Variants in GPR137B observed in about 807,000 individuals in gnomAD.
The protein encoded by GPR137B is G protein-coupled receptor 137B.
A neutral mutation model predicts 42.5 loss-of-function variants in GPR137B; 42 were observed. The ratio of observed to expected loss-of-function variants is 0.99; its 90% confidence interval spans 0.77 to 1.28. The LOEUF (loss-of-function observed/expected upper bound fraction) is 1.28, where lower values mean the gene tolerates loss of function less well. Ranked by LOEUF, GPR137B falls within the 50% of genes most tolerant of loss-of-function variation. The pLI is 0.00. For missense variants in GPR137B, 487 were observed against 493.9 expected, an observed-to-expected ratio of 0.99 and a Z score of 0.13; for synonymous variants, 218 against 209.7, an observed-to-expected ratio of 1.04 and a Z score of -0.34.
At chr1:236,181,897 T>TAAC (rs1553364680) in intron 4 of GPR137B, among the ~76,000 whole-genome samples, 4 of 34,548 alleles carry the variant, frequency 1.2e-4, no homozygotes, top group African/African-American at 1.1e-3. Context: ...TTTGCTATTT[T>TAAC]TTTTTTTTTT....
In GPR137B at chr1:236,150,075, C is replaced by CT. The variant is rs1571958475; in HGVS notation, c.414+7040dup. 1.4e-5 allele frequency among the ~76,000 whole-genome samples: 2 copies of CT among 141,418 alleles called. No individual in the cohort carries two copies. Among genetic ancestry groups the CT allele is most frequent in the African/African-American group, 5.3e-5 (2 of 37,808 alleles). 92.8% of individuals were successfully genotyped at this position (141,418 alleles called of 152,430 possible). On this transcript the variant is annotated intron_variant, in intron 1 of 6. Transcript: ENST00000366592. This position sits in a 1 kb window ranked among gnomAD's most constrained non-coding sequence, Gnocchi z 6.2. ...TGTGTGCCTGTGTCTGTGTGGGTCTCTGAGTGTCTGTGCATGTGTGTGTCT... is the reference window on the plus strand; with the variant it reads ...TGTGTGCCTGTGTCTGTGTGGGTCTCTTGAGTGTCTGTGCATGTGTGTGTCT...
rs370261390 is a variant in GPR137B, at chr1:236,168,754, C to A, written c.463C>A (p.Arg155=). ...ATATTCTCCAGAATTACTCAAATAC[C>A]GGTAAGTACTGCAGGGCATCTCTTT... ...SKYSPELLKY[R]LPLYLASLFI... The change falls in exon 2 of 7, where the codon CGG becomes AGG. Residue 155 remains arginine, a splice_region_variant and synonymous_variant. Coordinates refer to ENST00000366592, the MANE Select transcript of GPR137B (RefSeq NM_003272.4). The A allele has an allele frequency of 9.4e-6, 15 of 1,596,612 alleles. No individual in the cohort carries two copies. Among genetic ancestry groups the A allele is most frequent in the South Asian group, 2.2e-5 (2 of 90,744 alleles).
chr1:236,203,261 T>C (rs1233224189), intron 5 of GPR137B, among the ~76,000 whole-genome samples: 1 of 152,056 alleles, frequency 6.6e-6, no homozygotes, highest in African/African-American at 2.4e-5. Flanking sequence ...GTATTTTTAG[T>C]AGAGATGGGG....
rs537293531 is a variant in GPR137B at position 236,181,995 on chromosome 1, C to T, written c.838-1783C>T. Among the ~76,000 whole-genome samples, 134 of 150,964 alleles carry T rather than the reference C, an allele frequency of 8.9e-4. 1 individual carries two copies. The highest frequency in any genetic ancestry group is 1.1e-3 in the Non-Finnish European group (77 of 67,876). On this transcript the variant is annotated intron_variant, in intron 4 of 6. Transcript: ENST00000366592. ...GCAACCTCCGCCTCCCGGGTTCAAG[C>T]GATTCTTCTGCCTCAGCCTCCTGAG...
chr1:236,159,309 C>T (rs952628564), intron 1 of GPR137B, among the ~76,000 whole-genome samples: 3 of 151,794 alleles, frequency 2.0e-5, no homozygotes, highest in Admixed American at 1.3e-4. Flanking sequence ...AAGACCCCGC[C>T]TCTTAAAAAC....
At position 236,175,485 on chromosome 1, in the gene GPR137B, A is replaced by G. The variant is rs186116127; in HGVS notation, c.465-2929A>G. On this transcript the variant is annotated intron_variant, in intron 2 of 6. Transcript: ENST00000366592. ...CAGTGCGTTCCCCAGAGGCTGCTGC[A>G]TGGAGTGTGTGTACACGCGGGTTCT... is the stretch of plus-strand genomic sequence containing the variant. 1.3e-4 allele frequency among the ~76,000 whole-genome samples: 20 copies of G among 152,356 alleles called. No homozygotes were observed. In the East Asian group the frequency reaches 3.9e-3, roughly 29 times the overall value.
At chr1:236,190,148 C>CTTCTTTTTTTTT (rs61093509) in intron 5 of GPR137B, among the ~76,000 whole-genome samples, 7 of 119,422 alleles carry the variant, frequency 5.9e-5, no homozygotes, top group East Asian at 2.3e-4. Flanking sequence ...CCTGCTTCTT[C>CTTCTTTTTTTTT]TTTTTTTTTT....
chr1:236,146,794 A>T (rs1400210857), intron 1 of GPR137B, among the ~76,000 whole-genome samples: 1 of 152,110 alleles, frequency 6.6e-6, no homozygotes, highest in Non-Finnish European at 1.5e-5. Flanking sequence ...TCTCAGGCAG[A>T]TCCTATGGCT....
intron 1 of GPR137B, among the ~76,000 whole-genome samples, chr1:236,143,467 C>T (rs1661593465): frequency 6.6e-6 from 1 of 152,260 alleles, no homozygotes; most frequent in Admixed American, 6.5e-5. Context: ...GTCTTCTGCA[C>T]GTTGGCCTCC....
At chr1:236,169,172 CTGCAGG>C (rs879888159) in intron 2 of GPR137B, among the ~76,000 whole-genome samples, 3,308 of 148,794 alleles carry the variant, frequency 0.022, 41 homozygotes, top group East Asian at 0.043. Context: ...CATGCTCCCA[CTGCAGG>C]TGCAGGTGCA....
chr1:236,199,192 T>C (rs1172092905), intron 5 of GPR137B, among the ~76,000 whole-genome samples: 1 of 152,220 alleles, frequency 6.6e-6, no homozygotes, highest in East Asian at 1.9e-4. Context: ...TTATGTGATA[T>C]AGCCCATTTA....
intron 2 of GPR137B, among the ~76,000 whole-genome samples, chr1:236,172,396 T>G (rs917646524): frequency 3.3e-5 from 5 of 152,350 alleles, no homozygotes; most frequent in Admixed American, 3.3e-4. Flanking sequence ...TCCACTCCAA[T>G]CTATTCCTGT....
intron 6 of GPR137B, among the ~76,000 whole-genome samples, chr1:236,206,691 C>T (rs1274231725): frequency 1.3e-5 from 2 of 152,216 alleles, no homozygotes; most frequent in Non-Finnish European, 2.9e-5. Flanking sequence ...CTTACCTCAG[C>T]ATGGGCATGG....
intron 5 of GPR137B, among the ~76,000 whole-genome samples, chr1:236,199,658 A>G (rs1340434927): frequency 6.6e-6 from 1 of 152,058 alleles, no homozygotes; most frequent in Non-Finnish European, 1.5e-5. Flanking sequence ...AGGTGTTCGT[A>G]GTAACCTTGA....
intron 1 of GPR137B, among the ~76,000 whole-genome samples, chr1:236,148,975 A>T (rs1046244467): frequency 1.3e-5 from 2 of 152,130 alleles, no homozygotes; most frequent in African/African-American, 4.8e-5. Flanking sequence ...TACTCATCCC[A>T]TGGGTCGGAG....
chr1:236,142,858 G>A lies in GPR137B; in HGVS notation c.236G>A (p.Ser79Asn), dbSNP rs199906272. ...CGCCACAAGCGGCTCAGCTACCAGA[G>A]CGTCTTCCTCTTTCTCTGCCTCTTC... ...RYRHKRLSYQ[S>N]VFLFLCLFWA... The change falls in exon 1 of 7, where the codon AGC becomes AAC. Residue 79 changes from serine to asparagine, a missense_variant. By Grantham distance (46) the Ser-to-Asn change is conservative (BLOSUM62 1). Transcript: ENST00000366592. The A allele has an allele frequency of 7.4e-6, 12 of 1,614,118 alleles. No individual in the cohort carries two copies. The highest frequency in any genetic ancestry group is 9.3e-6 in the Non-Finnish European group (11 of 1,180,038).
At position 236,208,154 on chromosome 1, in the gene GPR137B, G is replaced by C. The variant is rs777177782; in HGVS notation, c.1196G>C (p.Gly399Ala). The C allele has an allele frequency of 7.4e-6, 12 of 1,613,002 alleles. No homozygotes were observed. The Admixed American group carries it at 2.0e-4, about 27-fold the overall frequency. ...STLDPDKPSL[G>A] is the part of the protein sequence containing the mutation. Reference sequence around the variant, plus strand: ...TTGGATCCTGACAAACCAAGCCTTGGGTAGCATCAGTTAACAGTTTTATGG... The same window carrying C: ...TTGGATCCTGACAAACCAAGCCTTGCGTAGCATCAGTTAACAGTTTTATGG... The change falls in exon 7 of 7, where the codon GGG (glycine) becomes GCG (alanine). Residue 399 changes from glycine (G) to alanine (A), a missense_variant. Coordinates refer to ENST00000366592, the MANE Select transcript of GPR137B (RefSeq NM_003272.4).
At chr1:236,192,372 T>C (rs1331521953) in intron 5 of GPR137B, among the ~76,000 whole-genome samples, 4 of 148,252 alleles carry the variant, frequency 2.7e-5, no homozygotes, top group Non-Finnish European at 4.5e-5. Flanking sequence ...CACTGGGGTA[T>C]GGGGAAAAAA....
intron 5 of GPR137B, among the ~76,000 whole-genome samples, chr1:236,203,379 A>G (rs1663556007): frequency 6.6e-6 from 1 of 152,032 alleles, no homozygotes; most frequent in Admixed American, 6.6e-5. Context: ...GCCTGGCCCT[A>G]TGTGTCTGTT....
Sources: allele counts gnomAD v4.1 joint callset (sites outside exome capture counted in the v4.1 genomes callset), GRCh38; gene constraint gnomAD v4.1.1; non-coding constraint Gnocchi (gnomAD v3.1); transcripts MANE v1.5; gene names NCBI Gene and HGNC (gene_info 2026-07-23, HGNC 2026-07-21).